CACNA1C: variants seen among roughly 807,000 people sequenced by gnomAD.
The protein encoded by CACNA1C is voltage-dependent L-type calcium channel subunit alpha-1C.
A neutral mutation model predicts 229.0 loss-of-function variants in CACNA1C; 30 were observed. The ratio of observed to expected loss-of-function variants is 0.13; its 90% CI spans 0.10 to 0.18. The LOEUF is 0.18. CACNA1C is among the 10% of genes least tolerant of loss of function. The pLI is 1.00. For missense variants in CACNA1C, 1,658 were observed against 2,845.0 expected (o/e 0.58, Z 9.49); for synonymous variants, 1,114 against 1,132.5 (o/e 0.98, Z 0.33).
chr12:2,391,201 C>T (rs1221102770), intron 3 of CACNA1C, among the ~76,000 whole-genome samples: 2 of 152,192 alleles, frequency 1.3e-5, no homozygotes, highest in African/African-American at 4.8e-5. Context: ...TCTGACGTCA[C>T]CAAAGGCCAT....
chr12:2,383,146 A>G (rs2098292349), intron 3 of CACNA1C, among the ~76,000 whole-genome samples: 2 of 152,202 alleles, frequency 1.3e-5, no homozygotes, highest in African/African-American at 4.8e-5. Flanking sequence ...TGTGCTGTGT[A>G]GGTGTGCCTG....
At chr12:2,055,385 A>T (rs2054278659) in intron 1 of CACNA1C, among the ~76,000 whole-genome samples, 1 of 152,230 alleles carries the variant, frequency 6.6e-6, no homozygotes, top group African/African-American at 2.4e-5. Context: ...TGCCCTAAGT[A>T]TCACTGTCAA....
Position 2,682,660 on chromosome 12 carries a change from G to C in CACNA1C, c.5555G>C (p.Ser1852Thr). The C allele has an allele frequency of 6.2e-7, 1 of 1,611,358 alleles. No homozygotes were observed. Among genetic ancestry groups the C allele is most frequent in the Non-Finnish European group, 8.5e-7 (1 of 1,179,550 alleles). Residue 1852 changes from serine to threonine, a missense_variant, in exon 43 of 47, where the codon AGC becomes ACC. Ser to Thr is a moderately conservative substitution (Grantham distance 58, BLOSUM62 1). Transcript: ENST00000399655. Reference sequence around the variant, plus strand: ...GACACGGAGGCCTGCAGTGAGCCCAGCCTGCTCTCCACAGAGATGTGAGCT... The same window carrying C: ...GACACGGAGGCCTGCAGTGAGCCCACCCTGCTCTCCACAGAGATGTGAGCT... The part of the protein sequence containing the change: ...NHDTEACSEP[S>T]LLSTEMLSYQ...
At chr12:2,276,639 A>G (rs1180877053) in intron 3 of CACNA1C, among the ~76,000 whole-genome samples, 2 of 152,228 alleles carry the variant, frequency 1.3e-5, no homozygotes. Context: ...AGACGTTAAC[A>G]GCTTCTACAC....
intron 3 of CACNA1C, among the ~76,000 whole-genome samples, chr12:2,197,116 G>C (rs2097430260): frequency 6.6e-6 from 1 of 152,290 alleles, no homozygotes; most frequent in African/African-American, 2.4e-5. Context: ...TCCAGGTGCT[G>C]TGCTGTGCTT....
intron 3 of CACNA1C, among the ~76,000 whole-genome samples, chr12:2,189,384 A>G (rs1174549743): frequency 1.3e-5 from 2 of 152,180 alleles, no homozygotes; most frequent in African/African-American, 2.4e-5. Context: ...GACTCGGGAT[A>G]AGAGTGGGAT....
At chr12:2,227,053 T>C (rs1208425533) in intron 3 of CACNA1C, among the ~76,000 whole-genome samples, 1 of 152,190 alleles carries the variant, frequency 6.6e-6, no homozygotes, top group African/African-American at 2.4e-5. Context: ...CACCAAGAAC[T>C]CCCTCCACAA....
chr12:2,079,472 T>G (rs1208537362), intron 1 of CACNA1C, among the ~76,000 whole-genome samples: 2 of 152,118 alleles, frequency 1.3e-5, no homozygotes, highest in African/African-American at 4.8e-5. Flanking sequence ...GCCTTCTCAT[T>G]GTCTCCTCAC....
rs1386928349 is a variant in CACNA1C, at chr12:2,679,147, C to A, written c.5092-297C>A. On this transcript the variant is annotated intron_variant, in intron 41 of 46. Coordinates refer to ENST00000399655, the MANE Select transcript of CACNA1C (RefSeq NM_000719.7). The surrounding 1 kb of genome is among the most constrained non-coding windows in gnomAD (Gnocchi z 5.5). ...GGGGCTTCACTGGAAACCTCCAGGG[C>A]AGCTCGTACCAGCGGCAGCCCCTTG... 6.6e-6 allele frequency among the ~76,000 whole-genome samples: 1 copy of A among 152,246 alleles called. No individual in the cohort carries two copies. Among genetic ancestry groups the A allele is most frequent in the Non-Finnish European group, 1.5e-5 (1 of 68,040 alleles).
intron 18 of CACNA1C, among the ~76,000 whole-genome samples, chr12:2,587,972 C>T (rs1568606180): frequency 6.6e-6 from 1 of 152,194 alleles, no homozygotes; most frequent in Non-Finnish European, 1.5e-5. Context: ...GTCCAAAGGG[C>T]AGCATGCTCT....
intron 3 of CACNA1C, among the ~76,000 whole-genome samples, chr12:2,120,697 T>TGTGTGTGC (rs3085995): frequency 6.6e-6 from 1 of 151,022 alleles, no homozygotes; most frequent in African/African-American, 2.4e-5. Flanking sequence ...TGTGTGTGTG[T>TGTGTGTGC]TTAGTAGCAA....
intron 1 of CACNA1C, among the ~76,000 whole-genome samples, chr12:2,037,935 G>A (rs2049421768): frequency 6.6e-6 from 1 of 152,154 alleles, no homozygotes; most frequent in Non-Finnish European, 1.5e-5. Flanking sequence ...GTCCTTCTTG[G>A]TGGATTTCGA....
At position 2,473,312 on chromosome 12, in the gene CACNA1C, T is replaced by C. The variant is rs116262029; in HGVS notation, c.758-12792T>C. Among the ~76,000 whole-genome samples the C allele has an allele frequency of 7.1e-3, 1,082 of 152,278 alleles. 7 individuals carry two copies. The highest frequency in any genetic ancestry group is 0.024 in the African/African-American group (985 of 41,560). Reference sequence around the variant, plus strand: ...GCCCTGTATCTACCTCGCTGTCTCTTCTGGATGTCCCACCACAGCCACTTC... The same window carrying C: ...GCCCTGTATCTACCTCGCTGTCTCTCCTGGATGTCCCACCACAGCCACTTC... On this transcript the variant is annotated intron_variant, in intron 5 of 46. Coordinates refer to ENST00000399655, the MANE Select transcript of CACNA1C (RefSeq NM_000719.7).
intron 3 of CACNA1C, among the ~76,000 whole-genome samples, chr12:2,310,472 A>G (rs543061039): frequency 6.6e-6 from 1 of 152,250 alleles, no homozygotes; most frequent in South Asian, 2.1e-4. Context: ...TAGGACTTAC[A>G]TGAAATTCTG....
At chr12:2,331,720 C>G (rs114705594) in intron 3 of CACNA1C, among the ~76,000 whole-genome samples, 228 of 152,358 alleles carry the variant, frequency 1.5e-3, no homozygotes, top group African/African-American at 5.1e-3. Flanking sequence ...GACCCAACAT[C>G]ACTTCCGTGG....
intron 3 of CACNA1C, among the ~76,000 whole-genome samples, chr12:2,225,223 C>T (rs190720344): frequency 6.6e-6 from 1 of 152,296 alleles, no homozygotes; most frequent in East Asian, 1.9e-4. Context: ...AGCATTTATT[C>T]AGCACTTATG....
chr12:2,116,008 G>A (rs550715212), intron 2 of CACNA1C, among the ~76,000 whole-genome samples: 66 of 152,142 alleles, frequency 4.3e-4, no homozygotes, highest in Non-Finnish European at 9.0e-4. Context: ...AGGGTGAAGG[G>A]GCTCAGGAGA....
In CACNA1C at chr12:2,493,205, A is replaced by G; in HGVS notation, c.932A>G (p.Asp311Gly). The G allele has an allele frequency of 6.2e-7, 1 of 1,613,778 alleles. No individual in the cohort carries two copies. Among genetic ancestry groups the G allele is most frequent in the Non-Finnish European group, 8.5e-7 (1 of 1,179,756 alleles). The change falls in exon 7 of 47, where the codon GAT becomes GGT. Residue 311 changes from aspartate (D) to glycine (G), a missense_variant. Physicochemically the swap from Asp to Gly is moderately conservative, Grantham distance 94. Around this residue, in one of 20 missense-constraint regions of CACNA1C, gnomAD observed 84 missense variants for 202.6 expected, o/e 0.41. Transcript: ENST00000399655. The surrounding 1 kb of genome is among the most constrained non-coding windows in gnomAD (Gnocchi z 4.6). ...QEGIADVPAEDDPSPCALETG... is the reference protein window; with the variant it reads ...QEGIADVPAEGDPSPCALETG... ...GCCATTTGAGATGTTCCAGCAGAAGATGACCCTTCCCCTTGTGCGCTGGAA... is the reference window on the plus strand; with the variant it reads ...GCCATTTGAGATGTTCCAGCAGAAGGTGACCCTTCCCCTTGTGCGCTGGAA...
At chr12:2,509,163 G>A (rs555555085) in intron 8 of CACNA1C, among the ~76,000 whole-genome samples, 6 of 152,282 alleles carry the variant, frequency 3.9e-5, no homozygotes, top group African/African-American at 1.2e-4. Context: ...CAGAGGACCC[G>A]GGAGGTAGGC....
Sources: allele counts gnomAD v4.1 joint callset (sites outside exome capture counted in the v4.1 genomes callset), GRCh38; gene constraint gnomAD v4.1.1; regional missense constraint gnomAD v4.1.1; non-coding constraint Gnocchi (gnomAD v3.1); transcripts MANE v1.5; gene names NCBI Gene and HGNC (gene_info 2026-07-23, HGNC 2026-07-21).